RAB23: variants seen among roughly 807,000 people sequenced by gnomAD.
RAB23 encodes the protein ras-related protein Rab-23.
In RAB23, 15 loss-of-function variants were observed where a neutral mutation model predicts 30.0. The observed-to-expected ratio is 0.50, with a 90% confidence interval of 0.33 to 0.77. The LOEUF (loss-of-function observed/expected upper bound fraction) is 0.77. RAB23 is among the 30% of genes least tolerant of loss of function. The pLI, the probability that RAB23 is intolerant of heterozygous loss-of-function variation, is 0.02. For synonymous variants in RAB23, 93 were observed against 94.0 expected (o/e 0.99, Z 0.06); for missense variants, 243 against 275.4 (o/e 0.88, Z 0.83).
At chr6:57,196,396 T>A in intron 4 of RAB23, 54 bp downstream of exon 4, 2 of 1,596,256 alleles carry the variant, frequency 1.3e-6, no homozygotes, top group South Asian at 1.1e-5. Context: ...AAAATTAAGA[T>A]GTCTTAACTT....
At chr6:57,220,655 TACTA>T (rs1466716803) in intron 1 of RAB23, among the ~76,000 whole-genome samples, 10 of 152,230 alleles carry the variant, frequency 6.6e-5, no homozygotes, top group Non-Finnish European at 1.2e-4. Flanking sequence ...ATCGAAAGAT[TACTA>T]ACTGTTATGA....
rs1360610815 is a variant in RAB23 at position 57,222,232 on chromosome 6, AGCAGCTCC to A, written c.-580_-573del. On this transcript the variant is annotated 5_prime_UTR_variant, in exon 1 of 7. An upstream open reading frame in the 5' UTR loses its in-frame stop. Coordinates refer to ENST00000468148, the MANE Select transcript of RAB23 (RefSeq NM_016277.5). ...CAGGGCTCAGATTGAGTGGCTCAGC[AGCAGCTCC>A]GCCGGGGGTGGTGGGGCGCGGGAGT... 6.6e-6 allele frequency: 1 copy of A among 152,438 alleles called. No homozygotes were observed. Among genetic ancestry groups the A allele is most frequent in the African/African-American group, 2.4e-5 (1 of 41,454 alleles). 9.4% of individuals were successfully genotyped at this position (152,438 alleles called of 1,614,324 possible). A position where few individuals can be genotyped will look rare whatever the true frequency, so the allele number is the denominator to read the frequency against.
At chr6:57,203,395 A>C (rs372210226) in intron 3 of RAB23, among the ~76,000 whole-genome samples, 1 of 152,246 alleles carries the variant, frequency 6.6e-6, no homozygotes, top group East Asian at 1.9e-4. Flanking sequence ...CTGCCACATC[A>C]AACTGTCAAA....
At chr6:57,211,728 C>A (rs1280510074) in intron 1 of RAB23, among the ~76,000 whole-genome samples, 5 of 152,160 alleles carry the variant, frequency 3.3e-5, no homozygotes, top group Admixed American at 3.3e-4. Context: ...TAGTTTTAAA[C>A]CTTTATAGTT....
Position 57,187,690 on chromosome 6 carries a change from A to C in RAB23, c.*2771T>G, listed in dbSNP as rs1402378919. 6.6e-6 allele frequency: 1 copy of C among 152,188 alleles called. No individual in the cohort carries two copies. The highest frequency in any genetic ancestry group is 1.5e-5 in the Non-Finnish European group (1 of 68,022). The allele number at this position is 152,188 out of a possible 1,614,324, so 9.4% of individuals were successfully genotyped here. ...GTCCTAAGGCCAACTCCCTATTCTA[A>C]GGTCTTCAGAAAAGGTCCAGTTTCC... On this transcript the variant is annotated 3_prime_UTR_variant, in exon 7 of 7. Transcript: ENST00000468148.
intron 3 of RAB23, among the ~76,000 whole-genome samples, chr6:57,204,983 T>C (rs1489619437): frequency 1.3e-5 from 2 of 151,716 alleles, no homozygotes; most frequent in African/African-American, 2.4e-5. Flanking sequence ...CACATACATA[T>C]GTGTACATAT....
intron 3 of RAB23, among the ~76,000 whole-genome samples, chr6:57,203,364 C>G (rs1314179529): frequency 1.3e-5 from 2 of 152,020 alleles, no homozygotes; most frequent in Non-Finnish European, 2.9e-5. Flanking sequence ...AAAAATAACC[C>G]TATTGGTTAA....
intron 3 of RAB23, among the ~76,000 whole-genome samples, chr6:57,204,890 TG>T (rs1314263385): frequency 2.0e-5 from 3 of 152,024 alleles, no homozygotes; most frequent in African/African-American, 4.8e-5. Context: ...CCTACTTTCC[TG>T]GGGCTTCTAG....
At chr6:57,195,843 G>A (rs1443877603) in intron 4 of RAB23, among the ~76,000 whole-genome samples, 2 of 152,120 alleles carry the variant, frequency 1.3e-5, no homozygotes, top group African/African-American at 4.8e-5. Context: ...TATAATAGAT[G>A]TTTGTTGTTT....
At position 57,194,083 on chromosome 6, in the gene RAB23, A is replaced by G. The variant is rs578110742; in HGVS notation, c.482-149T>C. 159 of 1,180,416 alleles carry G rather than the reference A, an allele frequency of 1.3e-4. 1 individual carries two copies. In the African/African-American group the frequency reaches 2.2e-3, roughly 16 times the overall value. The allele number at this position is 1,180,416 out of a possible 1,614,324, so 73.1% of individuals were successfully genotyped here. ...ATCTAGTTAAAAATTCAACTTTTAAAAATTATTTGGGCAGTATCTGAGTAC... is the reference window on the plus strand; with the variant it reads ...ATCTAGTTAAAAATTCAACTTTTAAGAATTATTTGGGCAGTATCTGAGTAC... On this transcript the variant is annotated intron_variant, in intron 5 of 6. Transcript: ENST00000468148.
At position 57,210,105 on chromosome 6, in the gene RAB23, T is replaced by C. The variant is rs79380749; in HGVS notation, c.155+121A>G. ...CATGAAAACCACCATCACTGTCGCA[T>C]GAGCATTGCCACTAGTTGCCACACC... On this transcript the variant is annotated intron_variant, in intron 2 of 6. Transcript: ENST00000468148. The C allele has an allele frequency of 7.3e-4, 747 of 1,016,992 alleles. 1 individual carries two copies. Among genetic ancestry groups the C allele is most frequent in the Admixed American group, 1.2e-3 (62 of 52,356 alleles). The allele number at this position is 1,016,992 out of a possible 1,614,324, so 63.0% of individuals were successfully genotyped here.
At chr6:57,218,184 T>G (rs1335668622) in intron 1 of RAB23, among the ~76,000 whole-genome samples, 1 of 152,176 alleles carries the variant, frequency 6.6e-6, no homozygotes, top group South Asian at 2.1e-4. Context: ...TCCTCCAGAA[T>G]AGAGACGAGG....
intron 3 of RAB23, among the ~76,000 whole-genome samples, chr6:57,198,675 T>C (rs901217289): frequency 6.6e-6 from 1 of 150,878 alleles, no homozygotes; most frequent in African/African-American, 2.4e-5. Context: ...GGTGAGACTC[T>C]GTCTAAAAAA....
rs1012452176 is a variant in RAB23, at chr6:57,187,470, G to T, written c.*2991C>A. The stretch of plus-strand genomic sequence containing the variant: ...AACAGTTAAAAACTGAGTAAGTCCT[G>T]TTCATTAGGTAGGTGCCATGTGGAA... On this transcript the variant is annotated 3_prime_UTR_variant, in exon 7 of 7. Transcript: ENST00000468148. The T allele has an allele frequency of 6.6e-6, 1 of 152,140 alleles. No homozygotes were observed. The highest frequency in any genetic ancestry group is 2.4e-5 in the African/African-American group (1 of 41,440). The allele number at this position is 152,140 out of a possible 1,614,324, so 9.4% of individuals were successfully genotyped here.
intron 1 of RAB23, among the ~76,000 whole-genome samples, chr6:57,215,938 G>A (rs187813028): frequency 5.4e-4 from 82 of 152,322 alleles, no homozygotes; most frequent in African/African-American, 1.9e-3. Flanking sequence ...ATTGACTGCA[G>A]TGATAAATTA....
intron 3 of RAB23, among the ~76,000 whole-genome samples, chr6:57,204,710 T>C (rs1241613059): frequency 6.6e-6 from 1 of 152,148 alleles, no homozygotes; most frequent in Non-Finnish European, 1.5e-5. Flanking sequence ...GATATATTTC[T>C]AAGCAATGTT....
chr6:57,213,457 G>T (rs1011888966), intron 1 of RAB23, among the ~76,000 whole-genome samples: 1 of 152,096 alleles, frequency 6.6e-6, no homozygotes, highest in Admixed American at 6.5e-5. Context: ...TCTCACACTG[G>T]TTCAGTTCCT....
intron 1 of RAB23, among the ~76,000 whole-genome samples, chr6:57,220,786 T>C (rs188675517): frequency 6.6e-6 from 1 of 152,218 alleles, no homozygotes; most frequent in African/African-American, 2.4e-5. Context: ...ATCCTTACTG[T>C]AGTGGTGGTT....
intron 1 of RAB23, among the ~76,000 whole-genome samples, chr6:57,220,744 T>C (rs72868635): frequency 0.04 from 6,113 of 152,270 alleles, 171 homozygotes; most frequent in Middle Eastern, 0.068. Flanking sequence ...AGGTTTTTTT[T>C]CTGTGGCGGG....
Sources: allele counts gnomAD v4.1 joint callset (sites outside exome capture counted in the v4.1 genomes callset), GRCh38; gene constraint gnomAD v4.1.1; transcripts MANE v1.5; gene names NCBI Gene and HGNC (gene_info 2026-07-23, HGNC 2026-07-21).